SPAG9: variants seen among roughly 807,000 people sequenced by gnomAD.
The protein encoded by SPAG9 is sperm associated antigen 9, also known as C-Jun-amino-terminal kinase-interacting protein 4.
A neutral mutation model predicts 166.5 loss-of-function variants in SPAG9; 35 were observed. That is an observed-to-expected ratio of 0.21 (90% CI 0.16 to 0.28). The LOEUF (loss-of-function observed/expected upper bound fraction) is 0.28, where lower values mean the gene tolerates loss of function less well. Among genes scored for constraint, SPAG9 ranks in the 10% least tolerant of loss-of-function variants. The pLI is 1.00. For synonymous variants in SPAG9, 534 were observed against 565.5 expected, an observed-to-expected ratio of 0.94 and a Z score of 0.79; for missense variants, 1,235 against 1,603.3, an observed-to-expected ratio of 0.77 and a Z score of 3.92.
At chr17:51,060,505 T>TAAA (rs35700642) in intron 2 of SPAG9, among the ~76,000 whole-genome samples, 2 of 101,484 alleles carry the variant, frequency 2.0e-5, no homozygotes. Flanking sequence ...TTTGTCTTTT[T>TAAA]AAAAAAAAAA....
Position 51,020,270 on chromosome 17 carries a change from A to G in SPAG9, c.992-12T>C. The G allele has an allele frequency of 6.4e-7, 1 of 1,572,276 alleles. No individual in the cohort carries two copies. The highest frequency in any genetic ancestry group is 1.1e-5 in the South Asian group (1 of 89,958). On this transcript the variant is annotated splice_polypyrimidine_tract_variant and intron_variant, in intron 7 of 29. Coordinates refer to ENST00000262013, the MANE Select transcript of SPAG9 (RefSeq NM_001130528.3). The stretch of plus-strand genomic sequence containing the variant: ...ATTTTCAGCAGAGCCTTAAAAAAGG[A>G]CATGATGAAATAAACAATACATATA...
At chr17:51,045,189 T>C (rs2046976563) in intron 4 of SPAG9, among the ~76,000 whole-genome samples, 1 of 152,160 alleles carries the variant, frequency 6.6e-6, no homozygotes, top group African/African-American at 2.4e-5. Flanking sequence ...TCCAAAGCCT[T>C]GTTGTACCCA....
chr17:51,021,503 T>A (rs1039672790), intron 6 of SPAG9, 138 bp from the exon 7 acceptor site: 4 of 621,842 alleles, frequency 6.4e-6, no homozygotes, highest in South Asian at 2.3e-5. Flanking sequence ...AGCCACTGAT[T>A]ACCGGTAAGT....
chr17:51,060,561 G>A (rs555335636), intron 2 of SPAG9, among the ~76,000 whole-genome samples: 1 of 149,952 alleles, frequency 6.7e-6, no homozygotes, highest in African/African-American at 2.4e-5. Context: ...GGTTGAATGA[G>A]GTCATTAAGG....
chr17:51,038,344 C>T (rs1259034938), intron 5 of SPAG9, among the ~76,000 whole-genome samples: 1 of 151,982 alleles, frequency 6.6e-6, no homozygotes, highest in South Asian at 2.1e-4. Context: ...GGTCCAAAAG[C>T]AGAAGAGAAA....
intron 24 of SPAG9, among the ~76,000 whole-genome samples, chr17:50,982,900 C>A (rs1337676586): frequency 2.0e-5 from 3 of 152,160 alleles, no homozygotes; most frequent in Non-Finnish European, 1.5e-5. Flanking sequence ...AGTACCTAGA[C>A]CCCCTTTAAA....
At chr17:50,971,180 G>A (rs917940248) in intron 28 of SPAG9, among the ~76,000 whole-genome samples, 19 of 151,974 alleles carry the variant, frequency 1.3e-4, no homozygotes, top group Non-Finnish European at 1.8e-4. Flanking sequence ...GGTGGTATGC[G>A]CCTGTAATCC....
rs547571440 is a variant in SPAG9, at chr17:51,014,887, A to G, written c.1092-534T>C. Among the ~76,000 whole-genome samples the G allele has an allele frequency of 2.6e-5, 4 of 152,184 alleles. No homozygotes were observed. In the South Asian group the frequency reaches 8.3e-4, roughly 32 times the overall value. On this transcript the variant is annotated intron_variant, in intron 8 of 29. Transcript: ENST00000262013. ...TTTTAATCAAGTTGCAAAACAGTGT[A>G]TATACTATATGCCCTATTTTGCAGG...
chr17:51,026,674 C>CTTTTTTTTTTTTTTTTTTT (rs35339612), intron 6 of SPAG9, among the ~76,000 whole-genome samples: 1 of 124,224 alleles, frequency 8.0e-6, no homozygotes. Context: ...TTTTTCTTTT[C>CTTTTTTTTTTTTTTTTTTT]TTTTTTTTTT....
At chr17:51,113,483 C>G (rs2049185168) in intron 1 of SPAG9, among the ~76,000 whole-genome samples, 1 of 151,484 alleles carries the variant, frequency 6.6e-6, no homozygotes, top group South Asian at 2.1e-4. Context: ...AGTTCAATAC[C>G]AGCCTGGACA....
At chr17:51,109,831 C>T (rs1251101589) in intron 1 of SPAG9, among the ~76,000 whole-genome samples, 1 of 151,990 alleles carries the variant, frequency 6.6e-6, no homozygotes, top group Non-Finnish European at 1.5e-5. Flanking sequence ...CCTGCCTCGG[C>T]CCCCCAAGTA....
rs751540635 is a variant in SPAG9, at chr17:50,966,390, A to C, written c.3851-3T>G. ...TTCTGATTCTCCACCTTCATCACCT[A>C]GTGAATGATAAGAAGACTCAAGTTA... On this transcript the variant is annotated splice_region_variant and splice_polypyrimidine_tract_variant and intron_variant, in intron 29 of 29. Transcript: ENST00000262013. The C allele has an allele frequency of 1.3e-6, 2 of 1,554,266 alleles. No homozygotes were observed. Among genetic ancestry groups the C allele is most frequent in the Non-Finnish European group, 1.8e-6 (2 of 1,125,470 alleles).
intron 29 of SPAG9, among the ~76,000 whole-genome samples, chr17:50,968,559 C>T (rs1425729238): frequency 2.6e-5 from 4 of 151,826 alleles, no homozygotes; most frequent in Non-Finnish European, 1.5e-5. Context: ...GGTGAAACCC[C>T]GTCTCTACTA....
chr17:51,055,877 G>A (rs2047350048), intron 3 of SPAG9, among the ~76,000 whole-genome samples: 1 of 152,116 alleles, frequency 6.6e-6, no homozygotes, highest in Admixed American at 6.5e-5. Context: ...TTCCTTTGAG[G>A]AGACTGTGCT....
intron 9 of SPAG9, among the ~76,000 whole-genome samples, chr17:51,008,820 A>T (rs2045334746): frequency 6.6e-6 from 1 of 152,182 alleles, no homozygotes; most frequent in African/African-American, 2.4e-5. Flanking sequence ...ATCTTCGGCA[A>T]GATATTTGCT....
chr17:51,047,325 ATAT>A, intron 4 of SPAG9, 47 bp downstream of exon 4: 2 of 1,009,920 alleles, frequency 2.0e-6, no homozygotes, highest in Non-Finnish European at 3.0e-6. Context: ...AGAAACAAAC[ATAT>A]TATTTATTTT....
At chr17:50,975,276 T>C (rs987873500) in intron 27 of SPAG9, 8 of 254,240 alleles carry the variant, frequency 3.1e-5, no homozygotes, top group Admixed American at 2.8e-4. Flanking sequence ...TTGTTTTTAA[T>C]GCACATGTTA....
At position 51,009,333 on chromosome 17, in the gene SPAG9, T is replaced by C. The variant is rs531193295; in HGVS notation, c.1214-2007A>G. Among the ~76,000 whole-genome samples, 236 of 152,188 alleles carry C rather than the reference T, an allele frequency of 1.6e-3. 1 individual carries two copies. Among genetic ancestry groups the C allele is most frequent in the Non-Finnish European group, 3.0e-3 (201 of 68,006 alleles). On this transcript the variant is annotated intron_variant, in intron 9 of 29. Transcript: ENST00000262013. Reference sequence around the variant, plus strand: ...AAAGGAAAAAAATTGAAATGTGTGCTACAGGAAAAACAAATCCTATAATAT... The same window carrying C: ...AAAGGAAAAAAATTGAAATGTGTGCCACAGGAAAAACAAATCCTATAATAT...
intron 1 of SPAG9, among the ~76,000 whole-genome samples, chr17:51,091,273 CAAAAA>C (rs77408635): frequency 4.1e-5 from 2 of 49,146 alleles, no homozygotes; most frequent in African/African-American, 6.5e-5. Flanking sequence ...ACCCTGTATA[CAAAAA>C]AAAAAAAAAA....
Sources: gnomAD v4.1 joint callset for allele counts (sites outside exome capture counted in the v4.1 genomes callset) on GRCh38, gnomAD v4.1.1 for gene constraint, MANE v1.5 for transcripts, NCBI Gene and HGNC (gene_info 2026-07-23, HGNC 2026-07-21) for gene names.